Variants in DECR1 observed in about 807,000 individuals in gnomAD.
DECR1 encodes 2,4-dienoyl-CoA reductase [(3E)-enoyl-CoA-producing], mitochondrial.
In DECR1, 44 loss-of-function variants were observed where a neutral mutation model predicts 38.8. That is an observed-to-expected ratio of 1.13 (90% CI 0.89 to 1.46). The LOEUF (loss-of-function observed/expected upper bound fraction) is 1.46, where lower values mean the gene tolerates loss of function less well. Among genes scored for constraint, DECR1 ranks in the 40% most tolerant of loss-of-function variants. The pLI is 0.00. For synonymous variants in DECR1, 148 were observed against 135.2 expected (o/e 1.09, Z -0.66); for missense variants, 428 against 405.5 (o/e 1.06, Z -0.48).
At chr8:90,023,053 G>A (rs1011949212) in intron 5 of DECR1, among the ~76,000 whole-genome samples, 4 of 152,142 alleles carry the variant, frequency 2.6e-5, no homozygotes, top group African/African-American at 4.8e-5. Flanking sequence ...GGGAGTACGC[G>A]GTAAAGGATT....
intron 1 of DECR1, among the ~76,000 whole-genome samples, chr8:90,001,814 GT>G (rs1812620288): frequency 6.6e-6 from 1 of 151,704 alleles, no homozygotes; most frequent in Non-Finnish European, 1.5e-5. Context: ...AGGACAGGGC[GT>G]TCTGGAGCGC....
intron 8 of DECR1, 120 bp downstream of exon 8, chr8:90,045,115 T>C (rs888696907): frequency 1.1e-5 from 9 of 818,110 alleles, no homozygotes; most frequent in Non-Finnish European, 1.7e-5. Context: ...ATGTATTTAG[T>C]TGTAAATAAT....
intron 5 of DECR1, among the ~76,000 whole-genome samples, chr8:90,022,182 AG>A (rs1478505947): frequency 1.3e-5 from 2 of 152,138 alleles, no homozygotes; most frequent in African/African-American, 4.8e-5. Flanking sequence ...ATGTCCTTTG[AG>A]GGTTGAGGGG....
chr8:90,026,022 G>A (rs1189720020), intron 5 of DECR1, among the ~76,000 whole-genome samples: 4 of 152,258 alleles, frequency 2.6e-5, no homozygotes, highest in Middle Eastern at 3.4e-3. Flanking sequence ...GATGGATTAC[G>A]TTTATTGATT....
intron 1 of DECR1, among the ~76,000 whole-genome samples, chr8:90,012,584 T>C (rs970371550): frequency 1.3e-5 from 2 of 152,350 alleles, no homozygotes; most frequent in African/African-American, 4.8e-5. Context: ...CACATAAGAC[T>C]ACATGTCTGT....
At chr8:90,014,584 A>G (rs1812960567) in intron 1 of DECR1, among the ~76,000 whole-genome samples, 2 of 152,148 alleles carry the variant, frequency 1.3e-5, no homozygotes, top group South Asian at 2.1e-4. Flanking sequence ...TTTTTACCAC[A>G]TGTGACATTT....
intron 5 of DECR1, among the ~76,000 whole-genome samples, chr8:90,029,833 G>A (rs1039716630): frequency 5.1e-4 from 78 of 151,964 alleles, no homozygotes; most frequent in Non-Finnish European, 2.1e-4. Flanking sequence ...ATACTAGCCC[G>A]TTTGACTGAT....
chr8:90,038,948 A>G (rs1382907771), intron 6 of DECR1, among the ~76,000 whole-genome samples: 1 of 152,166 alleles, frequency 6.6e-6, no homozygotes, highest in Admixed American at 6.6e-5. Context: ...TTCAATGTCA[A>G]TATTTGTTTT....
chr8:90,012,854 G>A (rs760967732), intron 1 of DECR1, among the ~76,000 whole-genome samples: 1 of 152,200 alleles, frequency 6.6e-6, no homozygotes, highest in Non-Finnish European at 1.5e-5. Flanking sequence ...TGACAATGTT[G>A]TCTGGTTTTG....
At chr8:90,021,127 T>TA in intron 5 of DECR1, 71 bp downstream of exon 5, 1 of 1,296,946 alleles carries the variant, frequency 7.7e-7, no homozygotes, top group Non-Finnish European at 1.0e-6. Flanking sequence ...AGCTCTGTGA[T>TA]ACTTTAAAAG....
intron 5 of DECR1, 46 bp downstream of exon 5, chr8:90,021,102 C>G (rs1401576741): frequency 8.7e-6 from 13 of 1,492,214 alleles, no homozygotes; most frequent in Non-Finnish European, 1.2e-5. Context: ...TCTGTGTGTG[C>G]AAGGTTCTGT....
At chr8:90,014,830 T>G (rs980811653) in intron 1 of DECR1, among the ~76,000 whole-genome samples, 4 of 152,180 alleles carry the variant, frequency 2.6e-5, no homozygotes, top group Admixed American at 6.5e-5. Flanking sequence ...TCTACTTGAG[T>G]GAACTTCTTG....
At chr8:90,045,920 A>G (rs972767336) in intron 8 of DECR1, among the ~76,000 whole-genome samples, 1 of 152,194 alleles carries the variant, frequency 6.6e-6, no homozygotes, top group Non-Finnish European at 1.5e-5. Flanking sequence ...CCAGGCAAAC[A>G]GTGTCTGCAG....
At chr8:90,019,933 C>T (rs904903672) in intron 4 of DECR1, among the ~76,000 whole-genome samples, 1 of 152,174 alleles carries the variant, frequency 6.6e-6, no homozygotes, top group Non-Finnish European at 1.5e-5. Context: ...ATAACAAGAG[C>T]AGTTATCCAA....
At chr8:90,018,874 T>G in intron 2 of DECR1, 35 bp from the exon 3 acceptor site, 1 of 1,482,678 alleles carries the variant, frequency 6.7e-7, no homozygotes, top group Non-Finnish European at 9.3e-7. Flanking sequence ...AATTGAAAAA[T>G]ATAATATGAA....
At chr8:90,018,821 C>G in intron 2 of DECR1, 88 bp from the exon 3 acceptor site, 1 of 1,038,796 alleles carries the variant, frequency 9.6e-7, no homozygotes, top group Non-Finnish European at 1.5e-6. Context: ...CTCAGAAATG[C>G]TTTTCTTTAA....
chr8:90,006,284 C>A (rs375812453), intron 1 of DECR1: 1 of 703,860 alleles, frequency 1.4e-6, no homozygotes, highest in African/African-American at 1.7e-5. Flanking sequence ...GGAGGTATGT[C>A]CAGTTTTATG....
chr8:90,023,561 C>T (rs1359893672), intron 5 of DECR1, among the ~76,000 whole-genome samples: 3 of 152,068 alleles, frequency 2.0e-5, no homozygotes. Flanking sequence ...TTAGATTCTG[C>T]TGGTTCCTAG....
In DECR1 at chr8:90,017,111, T is replaced by G; in HGVS notation, c.70-13T>G. The G allele has an allele frequency of 6.3e-7, 1 of 1,590,752 alleles. No homozygotes were observed. Among genetic ancestry groups the G allele is most frequent in the Non-Finnish European group, 8.6e-7 (1 of 1,162,298 alleles). ...TATATGTATGCAAATTTAAATTCAT[T>G]TTCCCCTTTTAGTTTTTCAGTTATG... is the stretch of plus-strand genomic sequence containing the variant. On this transcript the variant is annotated splice_polypyrimidine_tract_variant and intron_variant, in intron 1 of 9. Coordinates refer to ENST00000220764, the MANE Select transcript of DECR1 (RefSeq NM_001359.2).
Sources: gnomAD v4.1 joint callset for allele counts (sites outside exome capture counted in the v4.1 genomes callset) on GRCh38, gnomAD v4.1.1 for gene constraint, MANE v1.5 for transcripts, NCBI Gene and HGNC (gene_info 2026-07-23, HGNC 2026-07-21) for gene names.